The following NEMP2 variants were observed in gnomAD, a reference collection of about 807,000 sequenced individuals.
NEMP2 encodes the protein nuclear envelope integral membrane protein 2.
A neutral mutation model predicts 54.2 loss-of-function variants in NEMP2; 53 were observed. The ratio of observed to expected loss-of-function variants is 0.98; its 90% CI spans 0.78 to 1.23. The LOEUF (loss-of-function observed/expected upper bound fraction) is 1.23. NEMP2 is among the 50% of genes most tolerant of loss of function. The pLI is 0.00. For missense variants in NEMP2, 455 were observed against 511.3 expected, an observed-to-expected ratio of 0.89 and a Z score of 1.06; for synonymous variants, 197 against 190.3, an observed-to-expected ratio of 1.04 and a Z score of -0.29.
At chr2:190,603,644 C>T in the NEMP2 span, among the ~76,000 whole-genome samples, 1 of 149,282 alleles carries the variant, frequency 6.7e-6, no homozygotes, top group East Asian at 2.0e-4. Context: ...GGAGCTCTGG[C>T]ATTTAGGAAA....
chr2:190,494,322 C>T, the NEMP2 span, among the ~76,000 whole-genome samples: 1 of 152,012 alleles, frequency 6.6e-6, no homozygotes, highest in Non-Finnish European at 1.5e-5. This position sits in a 1 kb window ranked among gnomAD's most constrained non-coding sequence, Gnocchi z 5.7. Context: ...AAACCCTGAA[C>T]AGACAACTAA....
the NEMP2 span, among the ~76,000 whole-genome samples, chr2:190,426,423 T>C: frequency 5.3e-5 from 8 of 152,226 alleles, no homozygotes; most frequent in Non-Finnish European, 2.9e-5. This position sits in a 1 kb window ranked among gnomAD's most constrained non-coding sequence, Gnocchi z 4.7. Context: ...TTTCTGTTTT[T>C]TTTGTTTTGT....
the NEMP2 span, among the ~76,000 whole-genome samples, chr2:190,468,996 G>A: frequency 3.9e-5 from 6 of 152,092 alleles, no homozygotes; most frequent in Non-Finnish European, 7.3e-5. Context: ...AGTTCAGAAC[G>A]AGAGACTGAA....
chr2:190,646,781 A>C, the NEMP2 span: 1 of 152,274 alleles, frequency 6.6e-6, no homozygotes. Context: ...AGCCAGACAC[A>C]GACAAGCTTG....
the NEMP2 span, among the ~76,000 whole-genome samples, chr2:190,584,947 GAAA>G: frequency 7.7e-6 from 1 of 129,566 alleles, no homozygotes; most frequent in African/African-American, 2.8e-5. The surrounding 1 kb of genome is among the most constrained non-coding windows in gnomAD (Gnocchi z 4.2). Flanking sequence ...AAGAAAGAAA[GAAA>G]GAAAGAAAGA....
chr2:190,534,531 C>CGCG (rs1553535435), intron 1 of NEMP2, 28 bp downstream of exon 1: 21 of 1,380,146 alleles, frequency 1.5e-5, no homozygotes, highest in Non-Finnish European at 1.9e-5. Context: ...CACGCACGCG[C>CGCG]GCGCCGCCGC....
Position 190,506,656 on chromosome 2 carries a change from T to TATGTAAA in NEMP2, c.*2526_*2532dup, listed in dbSNP as rs1690195134. 1 of 152,246 alleles carries TATGTAAA rather than the reference T, an allele frequency of 6.6e-6. No homozygotes were observed. The highest frequency in any genetic ancestry group is 2.4e-5 in the African/African-American group (1 of 41,462). 9.4% of individuals were successfully genotyped at this position (152,246 alleles called of 1,614,324 possible). On this transcript the variant is annotated 3_prime_UTR_variant, in exon 9 of 9. Transcript: ENST00000409150. The surrounding 1 kb of genome is among the most constrained non-coding windows in gnomAD (Gnocchi z 6.3). ...CTAATTCACAAAGCATTTTTTGTGA[T>TATGTAAA]ATGTAAAATGTGTTTTAAAACCTTT... is the stretch of plus-strand genomic sequence containing the variant.
chr2:190,488,866 A>AT, the NEMP2 span: 7 of 1,473,234 alleles, frequency 4.8e-6, no homozygotes, highest in South Asian at 4.3e-5. This position sits in a 1 kb window ranked among gnomAD's most constrained non-coding sequence, Gnocchi z 6.4. Context: ...TTAAAACATG[A>AT]TTTTTTCCAG....
chr2:190,602,059 TATG>T, the NEMP2 span, among the ~76,000 whole-genome samples: 40 of 151,958 alleles, frequency 2.6e-4, no homozygotes, highest in Non-Finnish European at 5.3e-4. Flanking sequence ...AGGATGAAAA[TATG>T]ATTTTATTAA....
the NEMP2 span, chr2:190,433,343 G>A: frequency 6.6e-6 from 1 of 152,178 alleles, no homozygotes; most frequent in Non-Finnish European, 1.5e-5. The surrounding 1 kb of genome is among the most constrained non-coding windows in gnomAD (Gnocchi z 4.5). Context: ...AAATGGAATT[G>A]GAGCCGCTGA....
chr2:190,437,011 C>T, the NEMP2 span: 6 of 1,614,188 alleles, frequency 3.7e-6, no homozygotes, highest in East Asian at 2.2e-5. The surrounding 1 kb of genome is among the most constrained non-coding windows in gnomAD (Gnocchi z 5.9). Context: ...TGGGTTGCAG[C>T]GCATGTGGGG....
chr2:190,437,059 A>G, the NEMP2 span: 4 of 1,614,226 alleles, frequency 2.5e-6, no homozygotes, highest in Non-Finnish European at 3.4e-6. This position sits in a 1 kb window ranked among gnomAD's most constrained non-coding sequence, Gnocchi z 5.9. Context: ...GTCTGTGGGC[A>G]TCGGGATCGA....
the NEMP2 span, among the ~76,000 whole-genome samples, chr2:190,430,506 G>GAGCA: frequency 2.0e-5 from 3 of 151,906 alleles, no homozygotes; most frequent in South Asian, 6.3e-4. Flanking sequence ...ATGTTTCAGA[G>GAGCA]AGCACAGGGT....
chr2:190,586,572 CT>C, the NEMP2 span, among the ~76,000 whole-genome samples: 12 of 152,052 alleles, frequency 7.9e-5, no homozygotes, highest in African/African-American at 2.9e-4. This position sits in a 1 kb window ranked among gnomAD's most constrained non-coding sequence, Gnocchi z 4.5. Context: ...TAAAACAAAA[CT>C]TTCAGTTTTG....
chr2:190,541,182 A>G, the NEMP2 span, among the ~76,000 whole-genome samples: 5 of 140,428 alleles, frequency 3.6e-5, no homozygotes, highest in East Asian at 4.2e-4. The surrounding 1 kb of genome is among the most constrained non-coding windows in gnomAD (Gnocchi z 5.2). Context: ...ATATATGTGT[A>G]TATATATATA....
chr2:190,432,840 A>G, the NEMP2 span, among the ~76,000 whole-genome samples: 1 of 137,030 alleles, frequency 7.3e-6, no homozygotes, highest in African/African-American at 2.8e-5. Context: ...ACACACACAC[A>G]CTCTCTCTCT....
chr2:190,495,111 C>A, the NEMP2 span, among the ~76,000 whole-genome samples: 2 of 152,078 alleles, frequency 1.3e-5, no homozygotes, highest in African/African-American at 4.8e-5. The surrounding 1 kb of genome is among the most constrained non-coding windows in gnomAD (Gnocchi z 4.7). Flanking sequence ...CTAAAGACTC[C>A]TCCTAAAAGC....
At chr2:190,475,441 T>C in the NEMP2 span, among the ~76,000 whole-genome samples, 3 of 152,098 alleles carry the variant, frequency 2.0e-5, no homozygotes, top group Admixed American at 1.3e-4. Context: ...ACCCAAATCA[T>C]GAGTGAACTC....
rs533247871 is a variant in NEMP2, at chr2:190,510,530, C to T, written c.961G>A (p.Glu321Lys). 2.6e-6 allele frequency: 4 copies of T among 1,551,888 alleles called. No homozygotes were observed. The East Asian group carries it at 9.8e-5, about 38-fold the overall frequency. ...RACSYMRWKM[E>K]QWFTSKELVV... ...AGCTCTTTTGATGTAAACCACTGCT[C>T]CATTTTCCTAAAACATGGCATGTGG... The change falls in exon 8 of 9, where the codon GAG becomes AAG. Residue 321 changes from glutamate (E) to lysine (K), a missense_variant. This residue lies in a region of NEMP2 where 294 missense variants were observed against 333.6 expected (regional missense o/e 0.88). Coordinates refer to ENST00000409150, the MANE Select transcript of NEMP2 (RefSeq NM_001142645.2). This position sits in a 1 kb window ranked among gnomAD's most constrained non-coding sequence, Gnocchi z 5.7.
Sources: gnomAD v4.1 joint callset for allele counts (sites outside exome capture counted in the v4.1 genomes callset) on GRCh38, gnomAD v4.1.1 for gene constraint, gnomAD v4.1.1 regional missense constraint, Gnocchi (gnomAD v3.1) non-coding constraint, MANE v1.5 for transcripts, NCBI Gene and HGNC (gene_info 2026-07-23, HGNC 2026-07-21) for gene names.